CAMK1D: variants seen among roughly 807,000 people sequenced by gnomAD.
CAMK1D encodes the protein calcium/calmodulin-dependent protein kinase type 1D.
A neutral mutation model predicts 47.7 loss-of-function variants in CAMK1D; 9 were observed. The observed-to-expected ratio is 0.19, with a 90% confidence interval of 0.11 to 0.33. The LOEUF (loss-of-function observed/expected upper bound fraction) is 0.33. Among genes scored for constraint, CAMK1D ranks in the 10% least tolerant of loss-of-function variants. The probability of loss-of-function intolerance (pLI) is 1.00; values close to 1 mark genes in which losing one functional copy is unlikely to be tolerated. For missense variants in CAMK1D, 291 were observed against 488.7 expected, an observed-to-expected ratio of 0.60 and a Z score of 3.81; for synonymous variants, 184 against 184.9, an observed-to-expected ratio of 0.99 and a Z score of 0.04.
intron 1 of CAMK1D, among the ~76,000 whole-genome samples, chr10:12,547,706 G>C (rs1317133955): frequency 9.7e-6 from 1 of 102,956 alleles, no homozygotes; most frequent in Non-Finnish European, 1.8e-5. Context: ...ACACACCACT[G>C]TGTTATGTAA....
intron 6 of CAMK1D, among the ~76,000 whole-genome samples, chr10:12,793,986 C>A: frequency 1.3e-5 from 2 of 152,144 alleles, no homozygotes; most frequent in African/African-American, 4.8e-5. Context: ...GGATTTTAAC[C>A]CAAGAGCAGT....
chr10:12,454,520 G>A lies in CAMK1D; in HGVS notation c.93-98705G>A, dbSNP rs912633213. Among the ~76,000 whole-genome samples the A allele has an allele frequency of 1.1e-4, 16 of 151,270 alleles. No homozygotes were observed. The East Asian group carries it at 2.7e-3, about 26-fold the overall frequency. On this transcript the variant is annotated intron_variant, in intron 1 of 10. Coordinates refer to ENST00000619168, the MANE Select transcript of CAMK1D (RefSeq NM_153498.4). The stretch of plus-strand genomic sequence containing the variant: ...CTTTGTCACCTGGGTTAAGAGTGCC[G>A]TGGCACAGCATAGCTCAATGCAGCC...
At chr10:12,351,046 C>T (rs1015720664) in intron 1 of CAMK1D, among the ~76,000 whole-genome samples, 2 of 152,010 alleles carry the variant, frequency 1.3e-5, no homozygotes, top group African/African-American at 4.8e-5. Flanking sequence ...TTTCCAGCAC[C>T]ACATTACCCA....
At chr10:12,415,260 A>T (rs559102358) in intron 1 of CAMK1D, among the ~76,000 whole-genome samples, 1 of 124,314 alleles carries the variant, frequency 8.0e-6, no homozygotes, top group Non-Finnish European at 1.9e-5. Context: ...AGTATCTTGG[A>T]GTATTTGCTG....
At chr10:12,429,265 G>A in intron 1 of CAMK1D, among the ~76,000 whole-genome samples, 1 of 152,074 alleles carries the variant, frequency 6.6e-6, no homozygotes, top group East Asian at 1.9e-4. Flanking sequence ...AGCCTGCAGT[G>A]TGAATGCCAC....
intron 1 of CAMK1D, among the ~76,000 whole-genome samples, chr10:12,502,474 C>T (rs749286584): frequency 6.6e-6 from 1 of 152,154 alleles, no homozygotes; most frequent in Non-Finnish European, 1.5e-5. Flanking sequence ...AGGACCTGGC[C>T]TCTACTGACC....
At chr10:12,816,165 G>T (rs868394862) in intron 7 of CAMK1D, 85 bp from the exon 8 acceptor site, 81 of 1,034,956 alleles carry the variant, frequency 7.8e-5, no homozygotes, top group Non-Finnish European at 1.1e-4. Flanking sequence ...TGCTACACAC[G>T]CTCCTCCTGA....
At chr10:12,569,674 G>A (rs546853151) in intron 2 of CAMK1D, among the ~76,000 whole-genome samples, 1 of 127,542 alleles carries the variant, frequency 7.8e-6, no homozygotes, top group Non-Finnish European at 1.6e-5. Context: ...AGCCGAGATC[G>A]TGCCACTGCA....
intron 2 of CAMK1D, among the ~76,000 whole-genome samples, chr10:12,655,460 A>T (rs1840092229): frequency 6.6e-6 from 1 of 152,236 alleles, no homozygotes; most frequent in Non-Finnish European, 1.5e-5. Context: ...ATGGATGGTA[A>T]CAGAAATAGG....
At chr10:12,605,042 C>G (rs577652536) in intron 2 of CAMK1D, among the ~76,000 whole-genome samples, 1 of 152,176 alleles carries the variant, frequency 6.6e-6, no homozygotes, top group South Asian at 2.1e-4. Flanking sequence ...CACCTGCCAC[C>G]ACTCCTGGTT....
At chr10:12,583,907 T>A (rs1837738699) in intron 2 of CAMK1D, among the ~76,000 whole-genome samples, 1 of 152,178 alleles carries the variant, frequency 6.6e-6, no homozygotes, top group Admixed American at 6.5e-5. Context: ...TGTGTTTTAA[T>A]CTTTTTGAGG....
At chr10:12,820,576 C>T (rs112365530) in intron 8 of CAMK1D, among the ~76,000 whole-genome samples, 2 of 152,222 alleles carry the variant, frequency 1.3e-5, no homozygotes, top group African/African-American at 2.4e-5. Flanking sequence ...ATCCCTGACA[C>T]CCCGAGAGCA....
At chr10:12,567,008 C>T (rs985658385) in intron 2 of CAMK1D, among the ~76,000 whole-genome samples, 9 of 152,148 alleles carry the variant, frequency 5.9e-5, no homozygotes, top group East Asian at 1.9e-4. Context: ...AGAGGCCCGT[C>T]GCCGAGCCTG....
intron 1 of CAMK1D, among the ~76,000 whole-genome samples, chr10:12,361,322 C>T (rs968459690): frequency 6.8e-6 from 1 of 147,068 alleles, no homozygotes; most frequent in Non-Finnish European, 1.5e-5. Context: ...TCTTGGCTCA[C>T]TGCAATCTCT....
At chr10:12,799,310 G>A (rs886402335) in intron 6 of CAMK1D, among the ~76,000 whole-genome samples, 1 of 152,182 alleles carries the variant, frequency 6.6e-6, no homozygotes, top group Non-Finnish European at 1.5e-5. Flanking sequence ...GCAGTGAAAG[G>A]CCTCAGCCAA....
intron 1 of CAMK1D, among the ~76,000 whole-genome samples, chr10:12,366,114 C>T (rs1837827724): frequency 1.3e-5 from 2 of 152,220 alleles, no homozygotes; most frequent in South Asian, 4.1e-4. Context: ...TGAAACATAG[C>T]TGTTATCTTT....
intron 1 of CAMK1D, among the ~76,000 whole-genome samples, chr10:12,358,379 C>A (rs541335517): frequency 1.8e-3 from 280 of 152,068 alleles, no homozygotes; most frequent in African/African-American, 6.5e-3. Flanking sequence ...ACTAAAAACA[C>A]CAAAATTAGC....
chr10:12,442,210 G>A (rs1473094941), intron 1 of CAMK1D, among the ~76,000 whole-genome samples: 3 of 152,090 alleles, frequency 2.0e-5, no homozygotes, highest in African/African-American at 7.2e-5. Context: ...GGCCGGGCGC[G>A]GTGGCTCATG....
At chr10:12,728,691 C>T (rs1234957439) in intron 3 of CAMK1D, among the ~76,000 whole-genome samples, 1 of 152,218 alleles carries the variant, frequency 6.6e-6, no homozygotes, top group Admixed American at 6.5e-5. Context: ...TCTCTGGCTG[C>T]CCTTTCAATT....
Sources: gnomAD v4.1 joint callset for allele counts (sites outside exome capture counted in the v4.1 genomes callset) on GRCh38, gnomAD v4.1.1 for gene constraint, MANE v1.5 for transcripts, NCBI Gene and HGNC (gene_info 2026-07-23, HGNC 2026-07-21) for gene names.